The following TSBP1 variants were observed in gnomAD, a reference collection of about 807,000 sequenced individuals.
The protein encoded by TSBP1 is testis expressed basic protein 1.
Under a neutral mutation model 68.8 loss-of-function variants are expected in TSBP1, and 56 were observed. That is an observed-to-expected ratio of 0.81 (90% CI 0.66 to 1.02). TSBP1 has a LOEUF of 1.02. Among genes scored for constraint, TSBP1 ranks in the 50% least tolerant of loss-of-function variants. The pLI, the probability that TSBP1 is intolerant of heterozygous loss-of-function variation, is 0.00. For missense variants in TSBP1, 502 were observed against 641.2 expected, an observed-to-expected ratio of 0.78 and a Z score of 2.34; for synonymous variants, 171 against 208.7, an observed-to-expected ratio of 0.82 and a Z score of 1.56.
intron 19 of TSBP1, among the ~76,000 whole-genome samples, chr6:32,303,673 T>A (rs491870): frequency 0.1 from 15,157 of 152,194 alleles, 1,146 homozygotes; most frequent in African/African-American, 0.19. Flanking sequence ...TTTCTGTGAT[T>A]TGCCTGATTG....
intron 19 of TSBP1, among the ~76,000 whole-genome samples, chr6:32,310,110 T>C (rs1380381695): frequency 6.6e-6 from 1 of 152,230 alleles, no homozygotes; most frequent in Non-Finnish European, 1.5e-5. Context: ...ATTCTTGTTC[T>C]GTTGTATTCT....
chr6:32,299,875 TAA>T, intron 22 of TSBP1, 45 bp downstream of exon 25: 1 of 1,509,192 alleles, frequency 6.6e-7, no homozygotes, highest in Non-Finnish European at 9.2e-7. Context: ...ACAAAAGAAT[TAA>T]AAGCAATGTA....
At chr6:32,326,256 T>A (rs968667001) in intron 16 of TSBP1, 32 of 898,666 alleles carry the variant, frequency 3.6e-5, no homozygotes, top group African/African-American at 3.5e-4. Context: ...ATTTGTGAAC[T>A]CAGCCAAGCA....
rs182806706 is a variant in TSBP1 at position 32,356,539 on chromosome 6, G to T, written c.218-870C>A. On this transcript the variant is annotated intron_variant, in intron 6 of 22. Coordinates refer to ENST00000612031, the Ensembl canonical transcript of TSBP1. Reference sequence around the variant, plus strand: ...GTTCGAGACCAGCCTGGCCAACATGGTGAAACCCTGTCTCTAGTGAAAATA... The same window carrying T: ...GTTCGAGACCAGCCTGGCCAACATGTTGAAACCCTGTCTCTAGTGAAAATA... 9.5e-4 allele frequency among the ~76,000 whole-genome samples: 145 copies of T among 152,184 alleles called. 1 individual carries two copies. In the East Asian group the frequency reaches 0.027, roughly 29 times the overall value.
At chr6:32,320,174 G>C (rs969760176) in intron 18 of TSBP1, 6 of 456,088 alleles carry the variant, frequency 1.3e-5, no homozygotes, top group East Asian at 7.0e-5. Flanking sequence ...CTGGGTTGTG[G>C]CTCTCTTCTT....
Position 32,343,053 on chromosome 6 carries a change from A to C in TSBP1, c.350-3415T>G, listed in dbSNP as rs988624539. Among the ~76,000 whole-genome samples, 2 of 152,154 alleles carry C rather than the reference A, an allele frequency of 1.3e-5. No homozygotes were observed. The highest frequency in any genetic ancestry group is 2.9e-5 in the Non-Finnish European group (2 of 68,028). On this transcript the variant is annotated intron_variant, in intron 9 of 22. Transcript: ENST00000612031. The surrounding 1 kb of genome is among the most constrained non-coding windows in gnomAD (Gnocchi z 4.3). ...GGTCTCATTGTCTTAGAGAGGGGGA[A>C]ATGTGAGAAAGGTGGGCATGATCCA...
At chr6:32,355,589 A>G (rs1283651542) in intron 7 of TSBP1, 60 bp downstream of exon 7, 2 of 1,574,324 alleles carry the variant, frequency 1.3e-6, no homozygotes, top group African/African-American at 2.7e-5. Flanking sequence ...AGCATTTACA[A>G]TCTAGGGAAA....
chr6:32,309,847 T>C (rs1297136904), intron 19 of TSBP1, among the ~76,000 whole-genome samples: 1 of 152,202 alleles, frequency 6.6e-6, no homozygotes, highest in Non-Finnish European at 1.5e-5. Context: ...ATCTTATCCA[T>C]TCTATCTAAC....
chr6:32,305,300 T>C (rs9268171), intron 19 of TSBP1, among the ~76,000 whole-genome samples: 37,879 of 151,934 alleles, frequency 0.25, 5,063 homozygotes, highest in African/African-American at 0.33. Context: ...GGGTAATCAC[T>C]CCAGCACCTG....
intron 4 of TSBP1, 70 bp downstream of exon 4, chr6:32,367,855 A>T: frequency 8.9e-7 from 1 of 1,128,218 alleles, no homozygotes; most frequent in Non-Finnish European, 1.3e-6. Context: ...GCTCAAATGG[A>T]GATGAGTTGA....
In TSBP1 at chr6:32,365,327, G is replaced by C. The variant is rs762409731; in HGVS notation, c.217+840C>G. The C allele has an allele frequency of 1.2e-4, 54 of 457,156 alleles. 1 individual carries two copies. The highest frequency in any genetic ancestry group is 1.1e-3 in the African/African-American group (53 of 50,198). 28.3% of individuals were successfully genotyped at this position (457,156 alleles called of 1,614,324 possible). ...GTGTCCTTTTTTCCAATCCCACAAA[G>C]TCAAACTGACTGTGAGATGTTTCCT... On this transcript the variant is annotated intron_variant, in intron 6 of 22. Transcript: ENST00000612031. This position sits in a 1 kb window ranked among gnomAD's most constrained non-coding sequence, Gnocchi z 4.3.
At chr6:32,345,406 G>C (rs577257258) in intron 9 of TSBP1, among the ~76,000 whole-genome samples, 4 of 152,012 alleles carry the variant, frequency 2.6e-5, no homozygotes, top group Admixed American at 2.0e-4. Flanking sequence ...AATTCTCACC[G>C]AAATCATTTT....
intron 6 of TSBP1, among the ~76,000 whole-genome samples, chr6:32,356,460 C>T (rs1002281287): frequency 6.6e-6 from 1 of 152,122 alleles, no homozygotes; most frequent in Non-Finnish European, 1.5e-5. Context: ...TGTCTCAAGC[C>T]TGTAGTCCCA....
chr6:32,365,537 A>ATGCTGGG lies in TSBP1; in HGVS notation c.217+629_217+630insCCCAGCA, dbSNP rs759648559. On this transcript the variant is annotated intron_variant, in intron 6 of 22. Coordinates refer to ENST00000612031, the Ensembl canonical transcript of TSBP1. This position sits in a 1 kb window ranked among gnomAD's most constrained non-coding sequence, Gnocchi z 4.3. ...CTTTTCCCTGCTCCCAGCCTCTCCT[A>ATGCTGGG]ACCATTCAACTATGCTGATCATCTC... The ATGCTGGG allele has an allele frequency of 8.8e-5, 40 of 456,452 alleles. No individual in the cohort carries two copies. Among genetic ancestry groups the ATGCTGGG allele is most frequent in the African/African-American group, 6.2e-4 (31 of 50,118 alleles). The allele number at this position is 456,452 out of a possible 1,614,324, so 28.3% of individuals were successfully genotyped here. A position where few individuals can be genotyped will look rare whatever the true frequency, so the allele number is the denominator to read the frequency against.
At chr6:32,366,328 G>A (rs1220953134) in intron 4 of TSBP1, 26 bp from the exon 5 acceptor site, 1 of 1,583,682 alleles carries the variant, frequency 6.3e-7, no homozygotes, top group East Asian at 2.2e-5. Flanking sequence ...AAAACATAAT[G>A]AGATTTTACT....
chr6:32,295,574 G>C (rs1397169310), intron 22 of TSBP1, among the ~76,000 whole-genome samples: 1 of 152,078 alleles, frequency 6.6e-6, no homozygotes, highest in Non-Finnish European at 1.5e-5. Flanking sequence ...TGCCTAGCTG[G>C]GTGACCTTTG....
chr6:32,307,966 G>T (rs1765937032), intron 19 of TSBP1, among the ~76,000 whole-genome samples: 1 of 151,642 alleles, frequency 6.6e-6, no homozygotes, highest in African/African-American at 2.4e-5. Context: ...GTAGAGACAG[G>T]GTTTCACCAT....
rs1441291236 is a variant in TSBP1, at chr6:32,337,359, C to T, written c.410-724G>A. ...ATTTGGTCAGGCAGCGTTCCTTCCCCTTTCCCCACGGGTGTCCTGCTTGTA... is the reference window on the plus strand; with the variant it reads ...ATTTGGTCAGGCAGCGTTCCTTCCCTTTTCCCCACGGGTGTCCTGCTTGTA... On this transcript the variant is annotated intron_variant, in intron 11 of 22. Transcript: ENST00000612031. The surrounding 1 kb of genome is among the most constrained non-coding windows in gnomAD (Gnocchi z 5.5). Among the ~76,000 whole-genome samples the T allele has an allele frequency of 6.6e-6, 1 of 152,146 alleles. No homozygotes were observed. Among genetic ancestry groups the T allele is most frequent in the Non-Finnish European group, 1.5e-5 (1 of 68,026 alleles).
intron 19 of TSBP1, among the ~76,000 whole-genome samples, chr6:32,305,693 G>C (rs1382783601): frequency 6.6e-6 from 1 of 152,040 alleles, no homozygotes. Flanking sequence ...ATGGGGTTTT[G>C]CCATGTTGGC....
Sources: gnomAD v4.1 joint callset for allele counts (sites outside exome capture counted in the v4.1 genomes callset) on GRCh38, gnomAD v4.1.1 for gene constraint, Gnocchi (gnomAD v3.1) non-coding constraint, MANE v1.5 for transcripts, NCBI Gene and HGNC (gene_info 2026-07-23, HGNC 2026-07-21) for gene names.